RNF19A: variants seen among roughly 807,000 people sequenced by gnomAD.
The protein encoded by RNF19A is E3 ubiquitin-protein ligase RNF19A.
Under a neutral mutation model 75.7 loss-of-function variants are expected in RNF19A, and 32 were observed. That is an observed-to-expected ratio of 0.42 (90% confidence interval 0.32 to 0.57). RNF19A has a LOEUF of 0.57. RNF19A is among the 20% of genes least tolerant of loss of function. The pLI, the probability that RNF19A is intolerant of heterozygous loss-of-function variation, is 0.10. For synonymous variants in RNF19A, 335 were observed against 345.2 expected (o/e 0.97, Z 0.33); for missense variants, 782 against 1,036.3 (o/e 0.75, Z 3.37).
Position 100,288,077 on chromosome 8 carries a change from C to T in RNF19A, c.98G>A (p.Ser33Asn). 3.1e-6 allele frequency: 5 copies of T among 1,614,138 alleles called. No homozygotes were observed. Among genetic ancestry groups the T allele is most frequent in the Non-Finnish European group, 4.2e-6 (5 of 1,180,016 alleles). ...ATCTGAACCCATTTGCCGATGTAAA[C>T]TCATGTCTAAAATGCTTGTTAGAAT... is the stretch of plus-strand genomic sequence containing the variant. The part of the protein sequence containing the change: ...VSILTSILDM[S>N]LHRQMGSDRD... Residue 33 changes from serine to asparagine, a missense_variant, in exon 2 of 10, where the codon AGT (serine) becomes AAT (asparagine). Coordinates refer to ENST00000341084, the MANE Select transcript of RNF19A (RefSeq NM_183419.4).
rs549947129 is a variant in RNF19A, at chr8:100,284,261, G to T, written c.674+3240C>A. Among the ~76,000 whole-genome samples the T allele has an allele frequency of 6.6e-6, 1 of 152,074 alleles. No individual in the cohort carries two copies. The highest frequency in any genetic ancestry group is 2.4e-5 in the African/African-American group (1 of 41,422). On this transcript the variant is annotated intron_variant, in intron 2 of 9. Coordinates refer to ENST00000341084, the MANE Select transcript of RNF19A (RefSeq NM_183419.4). The surrounding 1 kb of genome is among the most constrained non-coding windows in gnomAD (Gnocchi z 4.3). ...GTATTTACAGCTCATAATAAGTAAAGCTAACTTTTAATGAGGGCTTGTGTA... is the reference window on the plus strand; with the variant it reads ...GTATTTACAGCTCATAATAAGTAAATCTAACTTTTAATGAGGGCTTGTGTA...
At position 100,309,568 on chromosome 8, in the gene RNF19A, G is replaced by A. The variant is rs912624955; in HGVS notation, c.-94+299C>T. ...CCGCCGGCCGCACAGGCACCAGGAG[G>A]ACAGGGCTTGGGGCGGATCCCACGC... On this transcript the variant is annotated intron_variant, in intron 1 of 9. Coordinates refer to ENST00000341084, the MANE Select transcript of RNF19A (RefSeq NM_183419.4). The A allele has an allele frequency of 9.2e-6, 9 of 979,310 alleles. No individual in the cohort carries two copies. The Middle Eastern group carries it at 1.6e-3, about 170-fold the overall frequency. 60.7% of individuals were successfully genotyped at this position (979,310 alleles called of 1,614,324 possible). A position where few individuals can be genotyped will look rare whatever the true frequency, so the allele number is the denominator to read the frequency against.
intron 2 of RNF19A, among the ~76,000 whole-genome samples, chr8:100,286,847 A>T (rs1171568164): frequency 6.6e-6 from 1 of 152,206 alleles, no homozygotes; most frequent in East Asian, 1.9e-4. Flanking sequence ...ACAACTGTAC[A>T]CAATAAATAC....
At position 100,257,344 on chromosome 8, in the gene RNF19A, G is replaced by A. The variant is rs1389669893; in HGVS notation, c.*1212C>T. ...ATAGAACATTTTAACTGCTATCATT[G>A]AGGTTAACCTGCTTTTATTTAAGTG... On this transcript the variant is annotated 3_prime_UTR_variant, in exon 10 of 10. Coordinates refer to ENST00000341084, the MANE Select transcript of RNF19A (RefSeq NM_183419.4). 1 of 149,900 alleles carries A rather than the reference G, an allele frequency of 6.7e-6. No individual in the cohort carries two copies. Among genetic ancestry groups the A allele is most frequent in the Non-Finnish European group, 1.5e-5 (1 of 68,010 alleles). The allele number at this position is 149,900 out of a possible 1,614,324, so 9.3% of individuals were successfully genotyped here. A position where few individuals can be genotyped will look rare whatever the true frequency, so the allele number is the denominator to read the frequency against.
intron 1 of RNF19A, among the ~76,000 whole-genome samples, chr8:100,297,305 T>G (rs956444192): frequency 6.6e-6 from 1 of 152,240 alleles, no homozygotes; most frequent in Non-Finnish European, 1.5e-5. Context: ...TACGCAGATC[T>G]AAGGTAACCT....
At chr8:100,277,537 T>C (rs1820585710) in intron 2 of RNF19A, among the ~76,000 whole-genome samples, 2 of 152,184 alleles carry the variant, frequency 1.3e-5, no homozygotes, top group Middle Eastern at 3.4e-3. Context: ...TGGTCTTGAT[T>C]TCCTGACCTT....
At chr8:100,307,407 T>C (rs935101358) in intron 1 of RNF19A, among the ~76,000 whole-genome samples, 2 of 152,118 alleles carry the variant, frequency 1.3e-5, no homozygotes, top group Non-Finnish European at 2.9e-5. Flanking sequence ...GAAAACTACA[T>C]ATCTCAACCA....
intron 1 of RNF19A, among the ~76,000 whole-genome samples, chr8:100,295,644 T>C (rs1224057121): frequency 1.3e-5 from 2 of 152,226 alleles, no homozygotes; most frequent in Admixed American, 6.5e-5. Flanking sequence ...AATTTAAATA[T>C]GGCTATGTAC....
At chr8:100,272,910 G>A (rs967995074) in intron 3 of RNF19A, among the ~76,000 whole-genome samples, 4 of 151,692 alleles carry the variant, frequency 2.6e-5, no homozygotes, top group South Asian at 2.1e-4. Flanking sequence ...CTGTCACCCA[G>A]GCTGGAGTGC....
intron 1 of RNF19A, among the ~76,000 whole-genome samples, chr8:100,297,332 A>T (rs547384182): frequency 6.6e-6 from 1 of 152,336 alleles, no homozygotes; most frequent in East Asian, 1.9e-4. Flanking sequence ...TATGATCTCT[A>T]CCAAGTAGTT....
rs1398914813 is a variant in RNF19A, at chr8:100,269,580, G to A, written c.1028+289C>T. Among the ~76,000 whole-genome samples, 1 of 152,038 alleles carries A rather than the reference G, an allele frequency of 6.6e-6. No homozygotes were observed. Among genetic ancestry groups the A allele is most frequent in the African/African-American group, 2.4e-5 (1 of 41,396 alleles). On this transcript the variant is annotated intron_variant, in intron 4 of 9. Coordinates refer to ENST00000341084, the MANE Select transcript of RNF19A (RefSeq NM_183419.4). This position sits in a 1 kb window ranked among gnomAD's most constrained non-coding sequence, Gnocchi z 5.7. Reference sequence around the variant, plus strand: ...TGCCTAAATGATAAAATTTATGTATGGGAAAATTAAATGAAAGTATTTATG... The same window carrying A: ...TGCCTAAATGATAAAATTTATGTATAGGAAAATTAAATGAAAGTATTTATG...
chr8:100,326,016 C>A (rs1024629303), intron 1 of RNF19A, among the ~76,000 whole-genome samples: 1 of 152,190 alleles, frequency 6.6e-6, no homozygotes, highest in Non-Finnish European at 1.5e-5. Flanking sequence ...AAGCTATATG[C>A]TATCTGCTAT....
chr8:100,310,907 CTAGTCTTGGTATTCT>C (rs1450862069), upstream of RNF19A, among the ~76,000 whole-genome samples: 11 of 152,326 alleles, frequency 7.2e-5, no homozygotes, highest in Admixed American at 3.9e-4. Flanking sequence ...TCAATCTACA[CTAGTCTTGGTATTCT>C]TAGTTGAATA....
rs569011603 is a variant in RNF19A at position 100,325,764 on chromosome 8, A to G, written c.-243+10344T>C. ...TATATGTATTTATGTGTGAGTATGTATTACACACACACACACACATTTATA... is the reference window on the plus strand; with the variant it reads ...TATATGTATTTATGTGTGAGTATGTGTTACACACACACACACACATTTATA... On this transcript the variant is annotated intron_variant, in intron 1 of 3. Coordinates refer to the RNF19A transcript ENST00000519527. This position sits in a 1 kb window ranked among gnomAD's most constrained non-coding sequence, Gnocchi z 4.3. 1.1e-4 allele frequency among the ~76,000 whole-genome samples: 15 copies of G among 134,334 alleles called. 1 individual carries two copies. Among genetic ancestry groups the G allele is most frequent in the South Asian group, 1.0e-3 (4 of 3,916 alleles). The allele number at this position is 134,334 out of a possible 152,430, so 88.1% of individuals were successfully genotyped here.
At chr8:100,295,027 T>C (rs1300353043) in intron 1 of RNF19A, among the ~76,000 whole-genome samples, 1 of 152,198 alleles carries the variant, frequency 6.6e-6, no homozygotes, top group Admixed American at 6.5e-5. Context: ...CTCTTGTAAG[T>C]GCTGGATAGT....
chr8:100,324,927 G>A lies in RNF19A; in HGVS notation c.-243+11181C>T, dbSNP rs1276702553. The stretch of plus-strand genomic sequence containing the variant: ...TCTCTCTTTCTTTCTTTCTTTTCTT[G>A]ATAGAGTCTCACTCTGTCACCCAGG... On this transcript the variant is annotated intron_variant, in intron 1 of 3. Transcript: ENST00000519527. This position sits in a 1 kb window ranked among gnomAD's most constrained non-coding sequence, Gnocchi z 4.2. Among the ~76,000 whole-genome samples, 1 of 129,042 alleles carries A rather than the reference G, an allele frequency of 7.7e-6. No homozygotes were observed. The highest frequency in any genetic ancestry group is 1.6e-5 in the Non-Finnish European group (1 of 62,488). The allele number at this position is 129,042 out of a possible 152,430, so 84.7% of individuals were successfully genotyped here.
In RNF19A at chr8:100,323,598, T is replaced by G. The variant is rs1377883844; in HGVS notation, c.-242-10226A>C. Among the ~76,000 whole-genome samples the G allele has an allele frequency of 6.6e-6, 1 of 152,242 alleles. No homozygotes were observed. The highest frequency in any genetic ancestry group is 2.4e-5 in the African/African-American group (1 of 41,474). On this transcript the variant is annotated intron_variant, in intron 1 of 3. Transcript: ENST00000519527. The surrounding 1 kb of genome is among the most constrained non-coding windows in gnomAD (Gnocchi z 4.6). The stretch of plus-strand genomic sequence containing the variant: ...CGGCTCCAGTTTTTAAAATTTCATC[T>G]ACCTTTGCCAGGGGAATCCCATTAG...
Position 100,258,974 on chromosome 8 carries a change from T to C in RNF19A, c.2099A>G (p.Gln700Arg). 6.2e-7 allele frequency: 1 copy of C among 1,614,260 alleles called. No individual in the cohort carries two copies. Among genetic ancestry groups the C allele is most frequent in the Non-Finnish European group, 8.5e-7 (1 of 1,180,046 alleles). The change falls in exon 10 of 10, where the codon CAA (glutamine) becomes CGA (arginine). Residue 700 changes from glutamine to arginine, a missense_variant. By Grantham distance (43) the Gln-to-Arg change is conservative (BLOSUM62 1). Around this residue, in one of 7 missense-constraint regions of RNF19A, gnomAD observed 442 missense variants for 541.6 expected, o/e 0.82. Transcript: ENST00000341084. This position sits in a 1 kb window ranked among gnomAD's most constrained non-coding sequence, Gnocchi z 4.3. ...REDMDAQLLEQQSTNSSEFEA... is the reference protein window; with the variant it reads ...REDMDAQLLERQSTNSSEFEA... Reference sequence around the variant, plus strand: ...AAATTCACTTGAGTTCGTGCTTTGTTGTTCTAACAACTGTGCATCCATGTC... The same window carrying C: ...AAATTCACTTGAGTTCGTGCTTTGTCGTTCTAACAACTGTGCATCCATGTC...
chr8:100,310,865 C>T (rs116580445), upstream of RNF19A, among the ~76,000 whole-genome samples: 519 of 152,236 alleles, frequency 3.4e-3, 2 homozygotes, highest in African/African-American at 0.012. Flanking sequence ...CGTCTCATAT[C>T]TTTTCAGCCA....
Sources: gnomAD v4.1 joint callset for allele counts (sites outside exome capture counted in the v4.1 genomes callset) on GRCh38, gnomAD v4.1.1 for gene constraint, gnomAD v4.1.1 regional missense constraint, Gnocchi (gnomAD v3.1) non-coding constraint, MANE v1.5 for transcripts, NCBI Gene and HGNC (gene_info 2026-07-23, HGNC 2026-07-21) for gene names.